NEDD4: variants seen among roughly 807,000 people sequenced by gnomAD.
The protein encoded by NEDD4 is NEDD4 E3 ubiquitin protein ligase, also known as E3 ubiquitin-protein ligase NEDD4.
Under a neutral mutation model 144.9 loss-of-function variants are expected in NEDD4, and 99 were observed. The ratio of observed to expected loss-of-function variants is 0.68; its 90% CI spans 0.58 to 0.81. NEDD4 has a LOEUF of 0.81. NEDD4 is among the 30% of genes least tolerant of loss of function. NEDD4 has a pLI of 0.00. For synonymous variants in NEDD4, 318 were observed against 350.6 expected, an observed-to-expected ratio of 0.91 and a Z score of 1.04; for missense variants, 985 against 1,065.9, an observed-to-expected ratio of 0.92 and a Z score of 1.06.
In NEDD4 at chr15:55,830,072, G is replaced by A. The variant is rs143789171; in HGVS notation, c.2601-73C>T. Reference sequence around the variant, plus strand: ...GTACCACCACAGCAAACAGAGCAATGCTGCTATTCTTGATGAGAATGTTCC... The same window carrying A: ...GTACCACCACAGCAAACAGAGCAATACTGCTATTCTTGATGAGAATGTTCC... On this transcript the variant is annotated intron_variant, in intron 28 of 28. Transcript: ENST00000435532. 2.7e-3 allele frequency: 2,778 copies of A among 1,013,164 alleles called. 35 individuals carry two copies. Among genetic ancestry groups the A allele is most frequent in the Non-Finnish European group, 7.9e-4 (529 of 665,710 alleles). The allele number at this position is 1,013,164 out of a possible 1,614,324, so 62.8% of individuals were successfully genotyped here. A position where few individuals can be genotyped will look rare whatever the true frequency, so the allele number is the denominator to read the frequency against.
intron 4 of NEDD4, among the ~76,000 whole-genome samples, chr15:55,928,875 C>T (rs2142244734): frequency 6.6e-6 from 1 of 152,090 alleles, no homozygotes; most frequent in East Asian, 1.9e-4. Flanking sequence ...ATAATAAATG[C>T]AAAAATATAG....
At chr15:55,876,434 G>C (rs1455960312) in intron 5 of NEDD4, among the ~76,000 whole-genome samples, 1 of 151,832 alleles carries the variant, frequency 6.6e-6, no homozygotes. Flanking sequence ...GCTATACTAT[G>C]GGTTTAAAAT....
intron 2 of NEDD4, among the ~76,000 whole-genome samples, chr15:55,956,369 G>A (rs1302602396): frequency 2.6e-5 from 4 of 152,028 alleles, no homozygotes; most frequent in Admixed American, 1.3e-4. Context: ...TACTGTTCAC[G>A]TAAACTTTGT....
At chr15:55,916,822 T>G (rs767778293) in intron 5 of NEDD4, 1 of 1,593,320 alleles carries the variant, frequency 6.3e-7, no homozygotes, top group South Asian at 1.1e-5. Flanking sequence ...AATCGTAAGC[T>G]TTGTGCCATT....
intron 1 of NEDD4, among the ~76,000 whole-genome samples, chr15:55,973,414 G>A (rs1179383819): frequency 6.6e-6 from 1 of 152,060 alleles, no homozygotes; most frequent in Admixed American, 6.6e-5. Context: ...AACAGGCAGA[G>A]TGGTACTCCC....
chr15:55,861,554 T>C (rs1301222366), intron 9 of NEDD4, among the ~76,000 whole-genome samples: 1 of 152,136 alleles, frequency 6.6e-6, no homozygotes, highest in African/African-American at 2.4e-5. Flanking sequence ...GGATTGTTTG[T>C]AACAAAAAGG....
chr15:55,923,455 G>T (rs1196039428), intron 5 of NEDD4, among the ~76,000 whole-genome samples: 2 of 151,804 alleles, frequency 1.3e-5, no homozygotes, highest in Non-Finnish European at 2.9e-5. Context: ...GGACCATCCT[G>T]GCCAACATGG....
intron 4 of NEDD4, among the ~76,000 whole-genome samples, chr15:55,927,077 CAAAAAAA>C (rs57940091): frequency 4.2e-5 from 3 of 70,670 alleles, no homozygotes; most frequent in Non-Finnish European, 8.0e-5. Context: ...GACTACGTCT[CAAAAAAA>C]AAAAAAAAAA....
rs550537760 is a variant in NEDD4 at position 55,860,430 on chromosome 15, C to A, written c.937G>T (p.Val313Leu). The A allele has an allele frequency of 1.2e-6, 2 of 1,614,076 alleles. No homozygotes were observed. The highest frequency in any genetic ancestry group is 8.5e-7 in the Non-Finnish European group (1 of 1,179,974). The stretch of plus-strand genomic sequence containing the variant: ...ACTGAGCTCGATGCTGGCTGGCTCA[C>A]GGCTGAATTTCCAAAAATGGTGAGT... ...ARLTIFGNSA[V>L]SQPASSSNHS... The change falls in exon 11 of 29, where the codon GTG becomes TTG. Residue 313 changes from valine to leucine, a missense_variant. Val to Leu is a conservative substitution (Grantham distance 32). Transcript: ENST00000435532.
chr15:55,966,360 A>G, intron 2 of NEDD4, 113 bp downstream of exon 2: 1 of 636,060 alleles, frequency 1.6e-6, no homozygotes, highest in East Asian at 3.2e-5. Flanking sequence ...TTATTATTAT[A>G]CTTTCCACAA....
chr15:55,951,506 C>T lies in NEDD4; in HGVS notation c.198+5G>A, dbSNP rs1452517932. On this transcript the variant is annotated splice_donor_5th_base_variant and intron_variant, in intron 3 of 28. Transcript: ENST00000435532. ...TAAAAACTTTTGAATATTGCTAAGT[C>T]TAACCTTTTTAATGGTTTTTGTTTG... The T allele has an allele frequency of 6.6e-7, 1 of 1,518,454 alleles. No homozygotes were observed. The highest frequency in any genetic ancestry group is 8.8e-7 in the Non-Finnish European group (1 of 1,135,506). The allele number at this position is 1,518,454 out of a possible 1,614,324, so 94.1% of individuals were successfully genotyped here. A position where few individuals can be genotyped will look rare whatever the true frequency, so the allele number is the denominator to read the frequency against.
chr15:55,917,238 A>G, intron 5 of NEDD4: 9 of 828,756 alleles, frequency 1.1e-5, no homozygotes, highest in Non-Finnish European at 1.3e-5. Flanking sequence ...TTGAAACAGT[A>G]TTTTTTCACC....
intron 1 of NEDD4, among the ~76,000 whole-genome samples, chr15:55,979,074 T>C (rs1027985544): frequency 6.6e-6 from 1 of 151,682 alleles, no homozygotes; most frequent in East Asian, 1.9e-4. Flanking sequence ...TAAAAATATA[T>C]ATATATACCC....
At chr15:55,939,694 A>G (rs1200890012) in intron 4 of NEDD4, among the ~76,000 whole-genome samples, 5 of 152,214 alleles carry the variant, frequency 3.3e-5, no homozygotes, top group African/African-American at 1.2e-4. Flanking sequence ...TTTTTAGTTA[A>G]CAAGTTTTGG....
chr15:55,993,430 GGCC>G, intron 1 of NEDD4, 78 bp downstream of exon 1: 2 of 1,534,958 alleles, frequency 1.3e-6, no homozygotes, highest in Non-Finnish European at 1.8e-6. Context: ...CTCCGGTCGT[GGCC>G]GCCGCCGCTA....
At chr15:55,982,568 C>G (rs142364501) in intron 1 of NEDD4, among the ~76,000 whole-genome samples, 240 of 152,170 alleles carry the variant, frequency 1.6e-3, no homozygotes, top group African/African-American at 5.6e-3. Context: ...CAAAAGGCTG[C>G]CTATAGAGAG....
At chr15:55,962,993 C>T (rs2037449898) in intron 2 of NEDD4, among the ~76,000 whole-genome samples, 3 of 152,006 alleles carry the variant, frequency 2.0e-5, no homozygotes, top group South Asian at 2.1e-4. Context: ...CCATGTTGGC[C>T]AGGCTGGTCT....
intron 5 of NEDD4, among the ~76,000 whole-genome samples, chr15:55,895,393 G>A (rs2035707039): frequency 6.6e-6 from 1 of 152,206 alleles, no homozygotes; most frequent in Non-Finnish European, 1.5e-5. Flanking sequence ...AAGAAACCAA[G>A]GAGCTGAGCT....
At chr15:55,884,704 G>C (rs190220622) in intron 5 of NEDD4, among the ~76,000 whole-genome samples, 20 of 152,134 alleles carry the variant, frequency 1.3e-4, no homozygotes, top group Admixed American at 9.2e-4. Context: ...TTATCAAGCA[G>C]AAGAAAGAAT....
Sources: gnomAD v4.1 joint callset for allele counts (sites outside exome capture counted in the v4.1 genomes callset) on GRCh38, gnomAD v4.1.1 for gene constraint, MANE v1.5 for transcripts, NCBI Gene and HGNC (gene_info 2026-07-23, HGNC 2026-07-21) for gene names.